CUBN: variants seen among roughly 807,000 people sequenced by gnomAD.
The protein encoded by CUBN is 460 kDa receptor.
A neutral mutation model predicts 405.3 loss-of-function variants in CUBN; 282 were observed. That is an observed-to-expected ratio of 0.70 (90% CI 0.63 to 0.77). CUBN has a LOEUF of 0.77. CUBN is among the 30% of genes least tolerant of loss of function. CUBN has a pLI of 0.00. For synonymous variants in CUBN, 1,684 were observed against 1,617.0 expected (o/e 1.04, Z -0.99); for missense variants, 4,514 against 4,475.2 (o/e 1.01, Z -0.25).
At chr10:17,087,472 CTTT>C (rs775573918) in intron 15 of CUBN, among the ~76,000 whole-genome samples, 2 of 71,712 alleles carry the variant, frequency 2.8e-5, no homozygotes, top group East Asian at 9.5e-4. Context: ...TTTTCTTTTT[CTTT>C]TTTTTTTTTT....
At chr10:16,941,905 A>T (rs181879936) in intron 36 of CUBN, among the ~76,000 whole-genome samples, 20 of 152,258 alleles carry the variant, frequency 1.3e-4, no homozygotes, top group African/African-American at 4.8e-4. Context: ...GAAATGGGAG[A>T]TAATCGTAAA....
intron 57 of CUBN, 104 bp from the exon 58 acceptor site, chr10:16,874,607 G>C: frequency 7.1e-7 from 1 of 1,398,618 alleles, no homozygotes; most frequent in Non-Finnish European, 1.0e-6. Flanking sequence ...CCCTAAAAGA[G>C]GTAATAATTA....
At chr10:17,060,985 G>A (rs1327171233) in intron 22 of CUBN, among the ~76,000 whole-genome samples, 1 of 152,146 alleles carries the variant, frequency 6.6e-6, no homozygotes, top group Non-Finnish European at 1.5e-5. Flanking sequence ...GGAGGCAGAG[G>A]TTGCAGTGAG....
chr10:16,878,603 G>A (rs1840581416), intron 56 of CUBN, among the ~76,000 whole-genome samples: 1 of 152,186 alleles, frequency 6.6e-6, no homozygotes, highest in African/African-American at 2.4e-5. Flanking sequence ...CTAGATTGGT[G>A]TTGCCGACTT....
intron 28 of CUBN, among the ~76,000 whole-genome samples, chr10:17,018,056 C>T (rs4491124): frequency 0.63 from 95,157 of 151,836 alleles, 30,229 homozygotes; most frequent in African/African-American, 0.75. Context: ...ACAGGAAAAG[C>T]GGAAGCTGGT....
intron 6 of CUBN, among the ~76,000 whole-genome samples, chr10:17,117,961 G>C (rs931919496): frequency 2.6e-5 from 4 of 152,170 alleles, no homozygotes; most frequent in Non-Finnish European, 5.9e-5. Flanking sequence ...CCTGTAGCAA[G>C]TGCTAAGAAG....
At chr10:17,023,186 A>G (rs1364255802) in intron 27 of CUBN, among the ~76,000 whole-genome samples, 1 of 134,852 alleles carries the variant, frequency 7.4e-6, no homozygotes, top group Non-Finnish European at 1.6e-5. Context: ...AACACATTGT[A>G]AAAGTACTGG....
intron 15 of CUBN, among the ~76,000 whole-genome samples, chr10:17,086,450 C>T (rs1836111672): frequency 6.6e-6 from 1 of 151,980 alleles, no homozygotes; most frequent in Admixed American, 6.5e-5. Flanking sequence ...TAACTTGGTC[C>T]AGGTTTTCAG....
chr10:17,028,770 G>T (rs1272644854), intron 27 of CUBN, among the ~76,000 whole-genome samples: 1 of 151,402 alleles, frequency 6.6e-6, no homozygotes, highest in African/African-American at 2.4e-5. Flanking sequence ...AATAAATAAA[G>T]AGCCAATGTA....
rs140034292 is a variant in CUBN, at chr10:16,961,991, C to T, written c.4696-7443G>A. ...CCTCCCAAAGTGCTGGGATTACAGG[C>T]GTGAGCCATGGCGCCCGGCCGGAAA... On this transcript the variant is annotated intron_variant, in intron 31 of 66. Coordinates refer to ENST00000377833, the MANE Select transcript of CUBN (RefSeq NM_001081.4). Among the ~76,000 whole-genome samples, 988 of 152,210 alleles carry T rather than the reference C, an allele frequency of 6.5e-3. 18 individuals are homozygous for T. Among genetic ancestry groups the T allele is most frequent in the African/African-American group, 0.023 (939 of 41,544 alleles).
chr10:17,085,793 T>C, intron 15 of CUBN, 34 bp from the exon 16 acceptor site: 17 of 1,602,520 alleles, frequency 1.1e-5, no homozygotes, highest in Non-Finnish European at 1.2e-5. Flanking sequence ...AAGCTCAAAG[T>C]GGTCAGATTT....
At chr10:16,923,735 A>G (rs1271811269) in intron 43 of CUBN, among the ~76,000 whole-genome samples, 2 of 152,208 alleles carry the variant, frequency 1.3e-5, no homozygotes, top group African/African-American at 4.8e-5. Context: ...CTCTTAGTGT[A>G]TCTGAATTAC....
At chr10:16,936,451 A>G (rs995616536) in intron 39 of CUBN, among the ~76,000 whole-genome samples, 1 of 152,234 alleles carries the variant, frequency 6.6e-6, no homozygotes, top group African/African-American at 2.4e-5. Context: ...TCAGAATGGA[A>G]TACTAAGGGA....
intron 43 of CUBN, among the ~76,000 whole-genome samples, chr10:16,923,715 C>G (rs1222687461): frequency 2.6e-5 from 4 of 152,190 alleles, no homozygotes; most frequent in Non-Finnish European, 5.9e-5. Flanking sequence ...CAAACACACC[C>G]TTAGTGTATC....
In CUBN at chr10:16,915,123, G is replaced by A; in HGVS notation, c.7260C>T (p.Asp2420=). Residue 2420 remains aspartate (D), a synonymous_variant, in exon 47 of 67, where the codon GAC becomes GAT. Coordinates refer to ENST00000377833, the MANE Select transcript of CUBN (RefSeq NM_001081.4). The part of the protein sequence containing the change: ...YCGNTIPDSI[D]TSSNTAVVRF... ...TGACCACAGCAGTATTGCTAGAAGT[G>A]TCTATGCTGTCAGGAATGGTGTTTC... is the stretch of plus-strand genomic sequence containing the variant. 6.2e-7 allele frequency: 1 copy of A among 1,613,894 alleles called. No homozygotes were observed. Among genetic ancestry groups the A allele is most frequent in the Non-Finnish European group, 8.5e-7 (1 of 1,179,802 alleles).
chr10:16,966,703 C>A (rs1211549810), intron 31 of CUBN, among the ~76,000 whole-genome samples: 1 of 152,206 alleles, frequency 6.6e-6, no homozygotes, highest in African/African-American at 2.4e-5. Context: ...CCCACCTTGG[C>A]CTTTCAAAGT....
intron 57 of CUBN, 114 bp from the exon 58 acceptor site, chr10:16,874,617 A>G: frequency 7.7e-7 from 1 of 1,302,516 alleles, no homozygotes; most frequent in Non-Finnish European, 1.1e-6. Flanking sequence ...GGTAATAATT[A>G]TTTTTCTTAA....
chr10:16,874,220 C>A (rs1376502229), intron 58 of CUBN, among the ~76,000 whole-genome samples, 154 bp downstream of exon 58: 1 of 152,098 alleles, frequency 6.6e-6, no homozygotes, highest in African/African-American at 2.4e-5. Flanking sequence ...GCGTCATTTC[C>A]CAGGTTGAAC....
intron 25 of CUBN, 128 bp downstream of exon 25, chr10:17,044,879 G>C (rs1343317014): frequency 2.0e-6 from 2 of 983,880 alleles, no homozygotes; most frequent in South Asian, 1.4e-5. Context: ...TTTTTATTTT[G>C]TTTGAATTTT....
Sources: allele counts gnomAD v4.1 joint callset (sites outside exome capture counted in the v4.1 genomes callset), GRCh38; gene constraint gnomAD v4.1.1; transcripts MANE v1.5; gene names NCBI Gene and HGNC (gene_info 2026-07-23, HGNC 2026-07-21).